Variants in KCNK17 observed in about 807,000 individuals in gnomAD.
KCNK17 encodes potassium two pore domain channel subfamily K member 17, also known as potassium channel subfamily K member 17.
A neutral mutation model predicts 24.6 loss-of-function variants in KCNK17; 27 were observed. That is an observed-to-expected ratio of 1.10 (90% CI 0.81 to 1.51). The LOEUF (loss-of-function observed/expected upper bound fraction) is 1.51, where lower values mean the gene tolerates loss of function less well. KCNK17 is among the 40% of genes most tolerant of loss of function. The pLI is 0.00. For synonymous variants in KCNK17, 181 were observed against 189.8 expected (o/e 0.95, Z 0.38); for missense variants, 450 against 436.6 (o/e 1.03, Z -0.27).
Position 39,304,084 on chromosome 6 carries a change from C to T in KCNK17, c.561G>A (p.Ser187=), listed in dbSNP as rs1002224382. ...GCAGCAGCAGGAAGAGCAGGAGGCC[C>T]GAGAGGAGGGCGCCAGAGCCCGCCA... The part of the protein sequence containing the change: ...RWLAGSGALL[S]GLLLFLLLPP... Residue 187 remains serine, a synonymous_variant, in exon 4 of 5, where the codon TCG becomes TCA. Coordinates refer to ENST00000373231, the MANE Select transcript of KCNK17 (RefSeq NM_031460.4). 2.0e-5 allele frequency: 33 copies of T among 1,612,192 alleles called. No individual in the cohort carries two copies. The highest frequency in any genetic ancestry group is 2.8e-5 in the Non-Finnish European group (33 of 1,179,942).
rs763247377 is a variant in KCNK17 at position 39,314,249 on chromosome 6, G to A, written c.72C>T (p.Leu24=). ...VRGCAVPSTV[L]LLLAYLAYLA... Reference sequence around the variant, plus strand: ...GGTAAGCCAGGTAGGCGAGCAGCAGGAGCACGGTGCTGGGCACCGCGCAGC... The same window carrying A: ...GGTAAGCCAGGTAGGCGAGCAGCAGAAGCACGGTGCTGGGCACCGCGCAGC... The change falls in exon 1 of 5, where the codon CTC becomes CTT. Residue 24 remains leucine, a synonymous_variant. Transcript: ENST00000373231. The A allele has an allele frequency of 9.1e-6, 14 of 1,536,038 alleles. No homozygotes were observed. The South Asian group carries it at 1.6e-4, about 17-fold the overall frequency.
In KCNK17 at chr6:39,304,502, G is replaced by T; in HGVS notation, c.506C>A (p.Thr169Asn). The change falls in exon 3 of 5, where the codon ACC (threonine) becomes AAC (asparagine). Residue 169 changes from threonine to asparagine, a missense_variant. By Grantham distance (65) the Thr-to-Asn change is moderately conservative (BLOSUM62 0). Coordinates refer to ENST00000373231, the MANE Select transcript of KCNK17 (RefSeq NM_031460.4). ...GTCCAGCAGCCCCCTCACCTGCCAG[G>T]TGCCCCCCAGCCTGCTGGCCCAGTG... is the stretch of plus-strand genomic sequence containing the variant. ...VNHWASRLGG[T>N]WQDPDKARWL... 6.2e-7 allele frequency: 1 copy of T among 1,612,362 alleles called. No individual in the cohort carries two copies. Among genetic ancestry groups the T allele is most frequent in the Middle Eastern group, 1.7e-4 (1 of 6,056 alleles).
intron 4 of KCNK17, among the ~76,000 whole-genome samples, chr6:39,301,291 C>T (rs1289906195): frequency 1.3e-5 from 2 of 152,180 alleles, no homozygotes; most frequent in Non-Finnish European, 2.9e-5. Context: ...CCTCCTATTC[C>T]TTCGTCATCC....
intron 2 of KCNK17, among the ~76,000 whole-genome samples, chr6:39,309,255 C>A (rs976692619): frequency 3.3e-5 from 5 of 152,140 alleles, no homozygotes; most frequent in Admixed American, 1.3e-4. Context: ...ACCTGGGAGG[C>A]GGAGGTTTCA....
At chr6:39,306,045 C>CTTT (rs35104496) in intron 2 of KCNK17, among the ~76,000 whole-genome samples, 4 of 139,576 alleles carry the variant, frequency 2.9e-5, no homozygotes, top group African/African-American at 7.9e-5. Flanking sequence ...GGGACTGGGT[C>CTTT]TTTTTTTTTT....
intron 1 of KCNK17, 102 bp from the exon 2 acceptor site, chr6:39,311,109 C>A (rs2395723): frequency 7.0e-6 from 4 of 572,444 alleles, no homozygotes; most frequent in Admixed American, 3.0e-5. Flanking sequence ...CACACACACA[C>A]ACACACACAC....
chr6:39,300,370 T>C (rs9471053), intron 4 of KCNK17: 15,642 of 945,178 alleles, frequency 0.017, 318 homozygotes, highest in Admixed American at 0.073. Context: ...GCAATCCACC[T>C]ACCTCGGCCT....
chr6:39,299,890 G>A (rs564558723), intron 4 of KCNK17, among the ~76,000 whole-genome samples, 153 bp from the exon 5 acceptor site: 32 of 152,296 alleles, frequency 2.1e-4, no homozygotes, highest in African/African-American at 6.7e-4. Context: ...GGTCACCTCC[G>A]AAGGATTCCA....
intron 4 of KCNK17, chr6:39,300,261 T>A (rs940368549): frequency 1.8e-6 from 1 of 555,068 alleles, no homozygotes; most frequent in African/African-American, 1.9e-5. Flanking sequence ...TAGCCGGGAC[T>A]ACAGGCGCCT....
chr6:39,313,577 C>T (rs2113843671), intron 1 of KCNK17, among the ~76,000 whole-genome samples: 1 of 152,342 alleles, frequency 6.6e-6, no homozygotes, highest in East Asian at 1.9e-4. Flanking sequence ...ACCCGGCGCC[C>T]CTGCCGTCCC....
In KCNK17 at chr6:39,304,740, C is replaced by T; in HGVS notation, c.353-85G>A. On this transcript the variant is annotated intron_variant, in intron 2 of 4. Transcript: ENST00000373231. ...ACAGCCCCACTCCTGGGCCCAACCC[C>T]CAGGGCCCTCATTCTAACCCACTGT... 6.2e-6 allele frequency: 9 copies of T among 1,442,486 alleles called. No individual in the cohort carries two copies. The South Asian group carries it at 1.0e-4, about 16-fold the overall frequency. The allele number at this position is 1,442,486 out of a possible 1,614,324, so 89.4% of individuals were successfully genotyped here.
intron 4 of KCNK17, chr6:39,300,389 G>T: frequency 8.5e-7 from 1 of 1,173,464 alleles, no homozygotes; most frequent in Non-Finnish European, 1.2e-6. Flanking sequence ...CTCCCAAAGT[G>T]TTAGAATTAC....
Position 39,304,730 on chromosome 6 carries a change from G to A in KCNK17, c.353-75C>T. On this transcript the variant is annotated intron_variant, in intron 2 of 4. Coordinates refer to ENST00000373231, the MANE Select transcript of KCNK17 (RefSeq NM_031460.4). Reference sequence around the variant, plus strand: ...ACTCACCACCACAGCCCCACTCCTGGGCCCAACCCCCAGGGCCCTCATTCT... The same window carrying A: ...ACTCACCACCACAGCCCCACTCCTGAGCCCAACCCCCAGGGCCCTCATTCT... The A allele has an allele frequency of 2.6e-6, 4 of 1,511,846 alleles. No individual in the cohort carries two copies. In the South Asian group the frequency reaches 3.6e-5, roughly 14 times the overall value. The allele number at this position is 1,511,846 out of a possible 1,614,324, so 93.7% of individuals were successfully genotyped here.
In KCNK17 at chr6:39,299,131, C is replaced by T; in HGVS notation, c.*296G>A. The stretch of plus-strand genomic sequence containing the variant: ...ATCTTATTGTGCCGCTCAAACATTG[C>T]CGCTACTTCATGGTGCCGTATGGCT... On this transcript the variant is annotated 3_prime_UTR_variant, in exon 5 of 5. Transcript: ENST00000373231. The T allele has an allele frequency of 2.5e-6, 1 of 402,624 alleles. No individual in the cohort carries two copies. The highest frequency in any genetic ancestry group is 3.5e-5 in the South Asian group (1 of 28,708). 24.9% of individuals were successfully genotyped at this position (402,624 alleles called of 1,614,324 possible).
intron 1 of KCNK17, among the ~76,000 whole-genome samples, chr6:39,313,370 G>T (rs1257085042): frequency 6.6e-6 from 1 of 152,176 alleles, no homozygotes; most frequent in African/African-American, 2.4e-5. Context: ...CGAAGACTCG[G>T]AGTAAAGCGG....
intron 3 of KCNK17, 176 bp downstream of exon 3, chr6:39,304,319 T>C: frequency 1.3e-6 from 1 of 772,488 alleles, no homozygotes; most frequent in Non-Finnish European, 2.1e-6. Context: ...CCACCCCATC[T>C]CCACCATTAA....
At chr6:39,302,881 G>C (rs1298601779) in intron 4 of KCNK17, among the ~76,000 whole-genome samples, 2 of 151,842 alleles carry the variant, frequency 1.3e-5, no homozygotes, top group Non-Finnish European at 2.9e-5. Context: ...TCTTCCTGGG[G>C]ACCTTGCAAA....
rs771293542 is a variant in KCNK17, at chr6:39,314,187, C to T, written c.134G>A (p.Gly45Asp). 10 of 1,553,656 alleles carry T rather than the reference C, an allele frequency of 6.4e-6. No homozygotes were observed. The Admixed American group carries it at 1.7e-4, about 27-fold the overall frequency. Residue 45 changes from glycine (G) to aspartate (D), a missense_variant, in exon 1 of 5, where the codon GGC becomes GAC. Physicochemically the swap from Gly to Asp is moderately conservative, Grantham distance 94. Transcript: ENST00000373231. ...LGTGVFWTLE[G>D]RAAQDSSRSF... ...GCGGCTGGAGTCCTGCGCCGCGCGG[C>T]CCTCCAGCGTCCAGAACACGCCGGT...
chr6:39,313,469 C>G lies in KCNK17; in HGVS notation c.237+615G>C, dbSNP rs543538583. The stretch of plus-strand genomic sequence containing the variant: ...CCCCTCTCTGCGTTGAGGGTGGCCC[C>G]GACCAGCACGCCTCGGGCCCAATCC... On this transcript the variant is annotated intron_variant, in intron 1 of 4. Coordinates refer to ENST00000373231, the MANE Select transcript of KCNK17 (RefSeq NM_031460.4). Among the ~76,000 whole-genome samples the G allele has an allele frequency of 1.0e-3, 152 of 152,296 alleles. 1 individual carries two copies. The highest frequency in any genetic ancestry group is 6.8e-3 in the Middle Eastern group (2 of 294).
Sources: gnomAD v4.1 joint callset for allele counts (sites outside exome capture counted in the v4.1 genomes callset) on GRCh38, gnomAD v4.1.1 for gene constraint, MANE v1.5 for transcripts, NCBI Gene and HGNC (gene_info 2026-07-23, HGNC 2026-07-21) for gene names.